Variants in PLCL2 observed in about 807,000 individuals in gnomAD.
PLCL2 encodes the protein inactive phospholipase C-like protein 2.
PLCL2 carries 4 observed loss-of-function variants against 79.6 expected under a neutral mutation model. That is an observed-to-expected ratio of 0.05 (90% confidence interval 0.02 to 0.11). The LOEUF (loss-of-function observed/expected upper bound fraction) is 0.11. Among genes scored for constraint, PLCL2 ranks in the 10% least tolerant of loss-of-function variants. The pLI, the probability that PLCL2 is intolerant of heterozygous loss-of-function variation, is 1.00. For missense variants in PLCL2, 895 were observed against 1,291.0 expected (o/e 0.69, Z 4.70); for synonymous variants, 484 against 457.7 (o/e 1.06, Z -0.73).
chr3:17,040,156 C>T lies in PLCL2; in HGVS notation c.3019-2718C>T, dbSNP rs146432665. ...TATATATACTTTAAGTTCTAGGGTA[C>T]ATGTGCTTCATTCTCAGCCCTTAGC... is the stretch of plus-strand genomic sequence containing the variant. On this transcript the variant is annotated intron_variant, in intron 3 of 5. Transcript: ENST00000615277. 1.5e-4 allele frequency among the ~76,000 whole-genome samples: 23 copies of T among 152,250 alleles called. No homozygotes were observed. In the East Asian group the frequency reaches 4.3e-3, roughly 28 times the overall value.
At chr3:16,959,665 C>T (rs1445793692) in intron 1 of PLCL2, among the ~76,000 whole-genome samples, 1 of 152,122 alleles carries the variant, frequency 6.6e-6, no homozygotes, top group African/African-American at 2.4e-5. Flanking sequence ...CAGATATCAC[C>T]TCTATGCTGA....
intron 3 of PLCL2, among the ~76,000 whole-genome samples, chr3:17,033,362 C>T (rs1419534318): frequency 2.6e-5 from 4 of 152,094 alleles, no homozygotes; most frequent in Admixed American, 2.6e-4. Context: ...ATGCTTTGAA[C>T]GTGGCAGAAA....
At chr3:17,055,788 T>C (rs2064886215) in intron 4 of PLCL2, among the ~76,000 whole-genome samples, 1 of 152,128 alleles carries the variant, frequency 6.6e-6, no homozygotes. Context: ...TCTGAGTTCA[T>C]GCTCTTTCCC....
intron 3 of PLCL2, among the ~76,000 whole-genome samples, chr3:17,028,624 G>A (rs1367454055): frequency 1.3e-5 from 2 of 151,856 alleles, no homozygotes; most frequent in Non-Finnish European, 2.9e-5. Flanking sequence ...CTACAGGCAC[G>A]CACCAGCATG....
chr3:17,086,643 G>A (rs1559293657), intron 5 of PLCL2, among the ~76,000 whole-genome samples: 1 of 152,178 alleles, frequency 6.6e-6, no homozygotes, highest in Non-Finnish European at 1.5e-5. Flanking sequence ...AATGAGAAGA[G>A]AAGCCACAGT....
At chr3:17,068,273 C>A (rs2065029341) in intron 5 of PLCL2, among the ~76,000 whole-genome samples, 1 of 152,190 alleles carries the variant, frequency 6.6e-6, no homozygotes, top group African/African-American at 2.4e-5. Context: ...AGGGGAACTT[C>A]TATGATTGGC....
At chr3:17,075,922 A>G (rs915406020) in intron 5 of PLCL2, among the ~76,000 whole-genome samples, 3 of 152,218 alleles carry the variant, frequency 2.0e-5, no homozygotes, top group African/African-American at 7.2e-5. Flanking sequence ...ACCTGCACCA[A>G]TTTATGGACA....
intron 5 of PLCL2, among the ~76,000 whole-genome samples, chr3:17,082,226 C>T (rs2065170229): frequency 6.8e-6 from 1 of 147,648 alleles, no homozygotes; most frequent in Non-Finnish European, 1.5e-5. Flanking sequence ...TCACTGCAAC[C>T]TTTGCCTCCT....
In PLCL2 at chr3:17,010,010, T is replaced by C. The variant is rs745955226; in HGVS notation, c.664T>C (p.Tyr222His). 1 of 1,613,928 alleles carries C rather than the reference T, an allele frequency of 6.2e-7. No individual in the cohort carries two copies. The highest frequency in any genetic ancestry group is 8.5e-7 in the Non-Finnish European group (1 of 1,179,824). ...TGAAGATTGTGCGTTTTCCGTCATA[T>C]ATGGAGAGAATTATGAGTCACTGGA... ...ISEDCAFSVI[Y>H]GENYESLDLV... The change falls in exon 2 of 6, where the codon TAT becomes CAT. Residue 222 changes from tyrosine (Y) to histidine (H), a missense_variant. By Grantham distance (83) the Tyr-to-His change is moderately conservative. Around this residue, in one of 6 missense-constraint regions of PLCL2, gnomAD observed 129 missense variants for 208.8 expected, o/e 0.62. Transcript: ENST00000615277. This position sits in a 1 kb window ranked among gnomAD's most constrained non-coding sequence, Gnocchi z 5.8.
chr3:17,040,277 T>G (rs1015018059), intron 3 of PLCL2, among the ~76,000 whole-genome samples: 4 of 152,188 alleles, frequency 2.6e-5, no homozygotes, highest in Non-Finnish European at 5.9e-5. Flanking sequence ...GCAGATGAGC[T>G]TCTATATCTG....
chr3:16,987,228 G>A (rs1409254114), intron 1 of PLCL2, among the ~76,000 whole-genome samples: 1 of 152,074 alleles, frequency 6.6e-6, no homozygotes, highest in African/African-American at 2.4e-5. Flanking sequence ...GGTCTGTCAG[G>A]TGTTAATGAC....
intron 1 of PLCL2, among the ~76,000 whole-genome samples, chr3:16,980,307 T>C: frequency 6.8e-6 from 1 of 146,134 alleles, no homozygotes; most frequent in East Asian, 2.1e-4. Flanking sequence ...ACGGGGCGGC[T>C]GGCCGGGCGG....
chr3:16,895,222 C>A (rs929175419), intron 1 of PLCL2, among the ~76,000 whole-genome samples: 19 of 151,766 alleles, frequency 1.3e-4, no homozygotes, highest in African/African-American at 4.4e-4. Context: ...AATGAAAATT[C>A]TTAATTTTAG....
chr3:16,959,841 C>T (rs892266950), intron 1 of PLCL2, among the ~76,000 whole-genome samples: 4 of 152,210 alleles, frequency 2.6e-5, no homozygotes, highest in African/African-American at 7.2e-5. Context: ...TGCTGTGGCT[C>T]ATGCCTGTAA....
At chr3:17,081,278 G>A in intron 5 of PLCL2, 1 of 456,490 alleles carries the variant, frequency 2.2e-6, no homozygotes, top group South Asian at 1.5e-5. Flanking sequence ...CACACTGCAT[G>A]TGATTTGGAA....
At chr3:16,994,943 G>A (rs1184780616) in intron 1 of PLCL2, among the ~76,000 whole-genome samples, 1 of 152,238 alleles carries the variant, frequency 6.6e-6, no homozygotes, top group East Asian at 1.9e-4. Flanking sequence ...AGAGGCAAGA[G>A]CTGAGATTGG....
At chr3:16,890,160 A>G (rs1349507508) in intron 1 of PLCL2, among the ~76,000 whole-genome samples, 2 of 152,230 alleles carry the variant, frequency 1.3e-5, no homozygotes, top group Non-Finnish European at 2.9e-5. Context: ...TAGGTTTTCA[A>G]AAGCAGAGTA....
chr3:16,914,839 C>T (rs763316770), intron 1 of PLCL2, among the ~76,000 whole-genome samples: 1 of 152,076 alleles, frequency 6.6e-6, no homozygotes, highest in Non-Finnish European at 1.5e-5. Flanking sequence ...AAGTGACCCT[C>T]CCTCCTCAGC....
At chr3:16,930,874 G>A (rs896307648) in intron 1 of PLCL2, among the ~76,000 whole-genome samples, 4 of 152,084 alleles carry the variant, frequency 2.6e-5, no homozygotes, top group African/African-American at 9.7e-5. Context: ...AGAAATCTTG[G>A]CACCATCTTT....
Sources: gnomAD v4.1 joint callset for allele counts (sites outside exome capture counted in the v4.1 genomes callset) on GRCh38, gnomAD v4.1.1 for gene constraint, gnomAD v4.1.1 regional missense constraint, Gnocchi (gnomAD v3.1) non-coding constraint, MANE v1.5 for transcripts, NCBI Gene and HGNC (gene_info 2026-07-23, HGNC 2026-07-21) for gene names.